Variants in CELF2 observed in about 807,000 individuals in gnomAD.
CELF2 encodes CUGBP Elav-like family member 2.
A neutral mutation model predicts 62.6 loss-of-function variants in CELF2; 8 were observed. The observed-to-expected ratio is 0.13, with a 90% CI of 0.07 to 0.23. The LOEUF (loss-of-function observed/expected upper bound fraction) is 0.23. Ranked by LOEUF, CELF2 falls within the 10% of genes least tolerant of loss-of-function variation. The pLI is 1.00. For synonymous variants in CELF2, 258 were observed against 250.0 expected (o/e 1.03, Z -0.30); for missense variants, 333 against 671.0 (o/e 0.50, Z 5.56).
At chr10:10,589,030 T>A in the CELF2 span, among the ~76,000 whole-genome samples, 1 of 152,204 alleles carries the variant, frequency 6.6e-6, no homozygotes, top group African/African-American at 2.4e-5. Context: ...CAGGGGGTAC[T>A]AATGACATGT....
At chr10:11,118,882 G>A (rs1358948328) in intron 1 of CELF2, among the ~76,000 whole-genome samples, 2 of 152,212 alleles carry the variant, frequency 1.3e-5, no homozygotes, top group Non-Finnish European at 2.9e-5. Context: ...ATGACTGCTT[G>A]TATGACCTTT....
chr10:10,522,712 C>A, the CELF2 span, among the ~76,000 whole-genome samples: 1 of 152,054 alleles, frequency 6.6e-6, no homozygotes, highest in Non-Finnish European at 1.5e-5. Context: ...TGGGATTACA[C>A]GCACATGCCA....
At chr10:10,780,495 G>A in the CELF2 span, among the ~76,000 whole-genome samples, 4 of 126,462 alleles carry the variant, frequency 3.2e-5, no homozygotes, top group African/African-American at 1.2e-4. Context: ...TTGTTTGTTT[G>A]TTTTGAGATG....
the CELF2 span, among the ~76,000 whole-genome samples, chr10:10,632,420 TACAC>T: frequency 6.6e-6 from 1 of 151,884 alleles, no homozygotes; most frequent in Non-Finnish European, 1.5e-5. Flanking sequence ...TCTAATTTCA[TACAC>T]ACACAAACAG....
chr10:11,099,159 G>A (rs2050738596), intron 1 of CELF2, among the ~76,000 whole-genome samples: 1 of 152,142 alleles, frequency 6.6e-6, no homozygotes, highest in Non-Finnish European at 1.5e-5. Context: ...TACATGAAAT[G>A]TGATTTTATG....
At chr10:11,034,953 G>A (rs540405834) in intron 1 of CELF2, among the ~76,000 whole-genome samples, 2 of 152,228 alleles carry the variant, frequency 1.3e-5, no homozygotes, top group East Asian at 3.9e-4. Flanking sequence ...TGGTACTCAA[G>A]TGGGTGCTGA....
the CELF2 span, among the ~76,000 whole-genome samples, chr10:10,672,007 G>C: frequency 2.0e-5 from 3 of 152,276 alleles, no homozygotes; most frequent in South Asian, 6.2e-4. Context: ...TGGGATTACA[G>C]GTGTAAGCCA....
the CELF2 span, among the ~76,000 whole-genome samples, chr10:10,550,776 G>A: frequency 6.6e-6 from 1 of 151,790 alleles, no homozygotes; most frequent in South Asian, 2.1e-4. Flanking sequence ...TCAGCTCGCT[G>A]CAACCTCCGC....
upstream of CELF2, among the ~76,000 whole-genome samples, chr10:10,795,970 C>T (rs2054116367): frequency 6.6e-6 from 1 of 152,100 alleles, no homozygotes; most frequent in African/African-American, 2.4e-5. Context: ...CCATCCCCAC[C>T]CCAGTGTCTG....
At chr10:10,604,404 T>C in the CELF2 span, among the ~76,000 whole-genome samples, 3 of 152,138 alleles carry the variant, frequency 2.0e-5, no homozygotes, top group Non-Finnish European at 4.4e-5. Flanking sequence ...GGTTCTATGG[T>C]TTTATCTCCT....
chr10:11,048,040 C>G (rs1384702694), intron 1 of CELF2, among the ~76,000 whole-genome samples: 1 of 152,168 alleles, frequency 6.6e-6, no homozygotes, highest in Non-Finnish European at 1.5e-5. Context: ...GAATTGTTCC[C>G]TGCCAGTTTG....
chr10:11,048,013 C>G (rs542179807), intron 1 of CELF2, among the ~76,000 whole-genome samples: 26 of 152,134 alleles, frequency 1.7e-4, no homozygotes, highest in African/African-American at 6.0e-4. Context: ...CCCCTGAAGC[C>G]CTCTCTCCAA....
the CELF2 span, among the ~76,000 whole-genome samples, chr10:10,517,292 G>T: frequency 6.6e-6 from 1 of 152,020 alleles, no homozygotes; most frequent in African/African-American, 2.4e-5. Context: ...GTAGGAGGTG[G>T]CCTCAGTTTC....
chr10:11,189,796 T>C, intron 2 of CELF2, among the ~76,000 whole-genome samples: 1 of 152,214 alleles, frequency 6.6e-6, no homozygotes, highest in East Asian at 1.9e-4. Context: ...CCAGAGGAAT[T>C]CCAGCACCAG....
the CELF2 span, among the ~76,000 whole-genome samples, chr10:10,562,534 A>G: frequency 2.0e-4 from 31 of 152,164 alleles, no homozygotes; most frequent in Non-Finnish European, 2.2e-4. Context: ...GTAGTGGCAG[A>G]TCCAAGACTC....
At chr10:10,698,242 A>G in the CELF2 span, among the ~76,000 whole-genome samples, 4 of 152,224 alleles carry the variant, frequency 2.6e-5, no homozygotes, top group African/African-American at 9.6e-5. Flanking sequence ...TGGCTCCAGG[A>G]AAAGAACTGA....
the CELF2 span, among the ~76,000 whole-genome samples, chr10:10,621,867 T>C: frequency 1.3e-5 from 2 of 152,234 alleles, no homozygotes; most frequent in African/African-American, 4.8e-5. Flanking sequence ...CCAGATATCA[T>C]GAAAAATAAG....
the CELF2 span, among the ~76,000 whole-genome samples, chr10:10,547,860 CA>C: frequency 6.6e-6 from 1 of 152,142 alleles, no homozygotes; most frequent in East Asian, 1.9e-4. Context: ...CTGTATCAAA[CA>C]TCCATCATCC....
intron 1 of CELF2, among the ~76,000 whole-genome samples, chr10:10,813,871 T>G (rs1230567166): frequency 6.6e-6 from 1 of 152,146 alleles, no homozygotes; most frequent in Non-Finnish European, 1.5e-5. Flanking sequence ...ACAGGGAGAC[T>G]GAACTACAAG....
Sources: allele counts gnomAD v4.1 joint callset (sites outside exome capture counted in the v4.1 genomes callset), GRCh38; gene constraint gnomAD v4.1.1; transcripts MANE v1.5; gene names NCBI Gene and HGNC (gene_info 2026-07-23, HGNC 2026-07-21).